The following SPDYE3 variants were observed in gnomAD, a reference collection of about 807,000 sequenced individuals.
SPDYE3 encodes the protein speedy protein E3.
SPDYE3 carries 15 observed loss-of-function variants against 55.0 expected under a neutral mutation model. That is an observed-to-expected ratio of 0.27 (90% CI 0.18 to 0.42). The LOEUF is 0.42. Among genes scored for constraint, SPDYE3 ranks in the 10% least tolerant of loss-of-function variants. The pLI, the probability that SPDYE3 is intolerant of heterozygous loss-of-function variation, is 1.00. For synonymous variants in SPDYE3, 89 were observed against 229.9 expected, an observed-to-expected ratio of 0.39 and a Z score of 5.55; for missense variants, 236 against 576.7, an observed-to-expected ratio of 0.41 and a Z score of 6.05.
At chr7:100,315,916 C>T in intron 7 of SPDYE3, 73 bp downstream of exon 7, 1 of 1,590,632 alleles carries the variant, frequency 6.3e-7, no homozygotes, top group South Asian at 1.1e-5. Flanking sequence ...CTTCCAAACC[C>T]ACAGTTCTCC....
In SPDYE3 at chr7:100,307,756, T is replaced by A. The variant is rs542544978; in HGVS notation, c.-130T>A. 12 of 1,414,296 alleles carry A rather than the reference T, an allele frequency of 8.5e-6. No homozygotes were observed. In the African/African-American group the frequency reaches 1.6e-4, roughly 19 times the overall value. 87.6% of individuals were successfully genotyped at this position (1,414,296 alleles called of 1,614,324 possible). A position where few individuals can be genotyped will look rare whatever the true frequency, so the allele number is the denominator to read the frequency against. On this transcript the variant is annotated 5_prime_UTR_variant, in exon 1 of 11. Transcript: ENST00000332397. ...CAACAGTAACTTCTCAGAGCTGTTC[T>A]CCACTCCTGACTTCTCCCAGCCTCG...
At chr7:100,318,127 G>A (rs1252112593) in intron 8 of SPDYE3, among the ~76,000 whole-genome samples, 1 of 151,912 alleles carries the variant, frequency 6.6e-6, no homozygotes, top group Non-Finnish European at 1.5e-5. Context: ...CACATCAACC[G>A]CAAAAGCCAC....
At chr7:100,318,338 T>A (rs1789487216) in intron 8 of SPDYE3, among the ~76,000 whole-genome samples, 1 of 152,114 alleles carries the variant, frequency 6.6e-6, no homozygotes, top group African/African-American at 2.4e-5. Context: ...GATGTCTTTC[T>A]CTATCGAGGC....
intron 7 of SPDYE3, among the ~76,000 whole-genome samples, chr7:100,316,519 C>A: frequency 6.6e-6 from 1 of 152,304 alleles, no homozygotes; most frequent in South Asian, 2.1e-4. Flanking sequence ...AACTGTTGGG[C>A]TCATGTGATC....
chr7:100,311,485 C>T (rs979640527), intron 3 of SPDYE3, among the ~76,000 whole-genome samples: 2 of 131,138 alleles, frequency 1.5e-5, no homozygotes, highest in Admixed American at 1.5e-4. Context: ...GATTCTGTCT[C>T]GAAACAAAAA....
chr7:100,315,533 C>T (rs4090425), intron 6 of SPDYE3, among the ~76,000 whole-genome samples: 4 of 152,186 alleles, frequency 2.6e-5, no homozygotes, highest in Middle Eastern at 3.4e-3. Flanking sequence ...GAGGGGGTCC[C>T]GGCTGATTCC....
chr7:100,316,038 C>G (rs1177747794), intron 7 of SPDYE3, among the ~76,000 whole-genome samples, 195 bp downstream of exon 7: 2 of 152,094 alleles, frequency 1.3e-5, no homozygotes, highest in Non-Finnish European at 2.9e-5. Flanking sequence ...GTGTCTCGAT[C>G]TTGACTCACT....
At chr7:100,319,378 G>A (rs1423294040) in intron 8 of SPDYE3, among the ~76,000 whole-genome samples, 187 bp from the exon 9 acceptor site, 1 of 152,168 alleles carries the variant, frequency 6.6e-6, no homozygotes, top group Non-Finnish European at 1.5e-5. Context: ...CATCCTGAAG[G>A]AGTGGGAGAT....
rs1409107701 is a variant in SPDYE3, at chr7:100,321,504, T to C, written c.*659T>C. The C allele has an allele frequency of 6.2e-6, 1 of 162,162 alleles. No individual in the cohort carries two copies. The highest frequency in any genetic ancestry group is 1.3e-5 in the Non-Finnish European group (1 of 74,418). 10.0% of individuals were successfully genotyped at this position (162,162 alleles called of 1,614,324 possible). A position where few individuals can be genotyped will look rare whatever the true frequency, so the allele number is the denominator to read the frequency against. On this transcript the variant is annotated 3_prime_UTR_variant, in exon 11 of 11. Coordinates refer to ENST00000332397, the MANE Select transcript of SPDYE3 (RefSeq NM_001004351.5). The stretch of plus-strand genomic sequence containing the variant: ...TTTTCTTTTCATTTTTAAGTGAGAA[T>C]TCTTTTTATCCTAAATCTTTTATTA...
chr7:100,316,323 G>C (rs1460233489), intron 7 of SPDYE3, among the ~76,000 whole-genome samples: 1 of 152,072 alleles, frequency 6.6e-6, no homozygotes, highest in Non-Finnish European at 1.5e-5. Context: ...CTGAGACAGA[G>C]TCCAGCTCTG....
At chr7:100,308,662 T>A (rs552560091) in intron 1 of SPDYE3, among the ~76,000 whole-genome samples, 10 of 151,290 alleles carry the variant, frequency 6.6e-5, no homozygotes, top group African/African-American at 1.2e-4. Context: ...TGAGCTGAGA[T>A]TGTACCACTA....
chr7:100,318,107 C>G (rs1806153633), intron 8 of SPDYE3, among the ~76,000 whole-genome samples: 1 of 152,042 alleles, frequency 6.6e-6, no homozygotes, highest in Non-Finnish European at 1.5e-5. Context: ...TCTTCTCTCT[C>G]TCTCCTTCCC....
Position 100,315,675 on chromosome 7 carries a change from G to T in SPDYE3, c.1202-110G>T. ...CCCTCTCCCATCCACCTCACCCGCGGCCACAATCCTGAGACTTTCCCCCGG... is the reference window on the plus strand; with the variant it reads ...CCCTCTCCCATCCACCTCACCCGCGTCCACAATCCTGAGACTTTCCCCCGG... On this transcript the variant is annotated intron_variant, in intron 6 of 10. Coordinates refer to ENST00000332397, the MANE Select transcript of SPDYE3 (RefSeq NM_001004351.5). 1.9e-6 allele frequency: 3 copies of T among 1,561,310 alleles called. No homozygotes were observed. The South Asian group carries it at 3.3e-5, about 17-fold the overall frequency.
rs1025319604 is a variant in SPDYE3, at chr7:100,321,320, C to T, written c.*475C>T. The T allele has an allele frequency of 2.7e-5, 9 of 330,672 alleles. No individual in the cohort carries two copies. Among genetic ancestry groups the T allele is most frequent in the African/African-American group, 1.5e-4 (7 of 45,768 alleles). The allele number at this position is 330,672 out of a possible 1,614,324, so 20.5% of individuals were successfully genotyped here. A position where few individuals can be genotyped will look rare whatever the true frequency, so the allele number is the denominator to read the frequency against. On this transcript the variant is annotated 3_prime_UTR_variant, in exon 11 of 11. Coordinates refer to ENST00000332397, the MANE Select transcript of SPDYE3 (RefSeq NM_001004351.5). ...ACAGACTGTAACAGATAGCTTCATG[C>T]ACACTATGCATTTTATTGGTTTGTT...
chr7:100,319,793 G>A lies in SPDYE3; in HGVS notation c.1575G>A (p.Pro525=), dbSNP rs112622797. ...CSMRCRAWVS[P]EELEEIQAYD... is the part of the protein sequence containing the mutation. The stretch of plus-strand genomic sequence containing the variant: ...TGCGCTGCAGGGCTTGGGTTTCCCC[G>A]GAGGAGTTGGAGGAGGTGGGTGGGG... The change falls in exon 9 of 11, where the codon CCG becomes CCA. Residue 525 remains proline, a synonymous_variant. Coordinates refer to ENST00000332397, the MANE Select transcript of SPDYE3 (RefSeq NM_001004351.5). 271,612 of 1,613,934 alleles carry A rather than the reference G, an allele frequency of 0.17. 24,802 individuals carry two copies. Among genetic ancestry groups the A allele is most frequent in the Middle Eastern group, 0.19 (1,149 of 6,060 alleles).
intron 8 of SPDYE3, 39 bp from the exon 9 acceptor site, chr7:100,319,526 G>C: frequency 1.2e-6 from 2 of 1,613,806 alleles, no homozygotes; most frequent in Non-Finnish European, 8.5e-7. Context: ...GGTCTCTCCT[G>C]GTGGTGCCCC....
intron 10 of SPDYE3, 90 bp from the exon 11 acceptor site, chr7:100,320,801 A>C (rs1789564629): frequency 2.8e-6 from 3 of 1,084,194 alleles, no homozygotes; most frequent in Admixed American, 6.7e-5. Flanking sequence ...ATTGCTCTGA[A>C]CTCTAGCTAG....
chr7:100,320,238 A>T, intron 10 of SPDYE3: 5 of 1,244,018 alleles, frequency 4.0e-6, no homozygotes, highest in Non-Finnish European at 5.4e-6. Context: ...GGATCGCTGG[A>T]GCCTGGGAGG....
At chr7:100,317,423 T>C (rs1021886770) in intron 8 of SPDYE3, among the ~76,000 whole-genome samples, 1 of 151,746 alleles carries the variant, frequency 6.6e-6, no homozygotes, top group African/African-American at 2.4e-5. Flanking sequence ...CTGGCCAACA[T>C]GGCAAACCCC....
Sources: gnomAD v4.1 joint callset for allele counts (sites outside exome capture counted in the v4.1 genomes callset) on GRCh38, gnomAD v4.1.1 for gene constraint, MANE v1.5 for transcripts, NCBI Gene and HGNC (gene_info 2026-07-23, HGNC 2026-07-21) for gene names.